HDAC4: variants seen among roughly 807,000 people sequenced by gnomAD.
HDAC4 encodes histone deacetylase 4, also known as histone deacetylase A.
A neutral mutation model predicts 135.1 loss-of-function variants in HDAC4; 16 were observed. That is an observed-to-expected ratio of 0.12 (90% CI 0.08 to 0.18). The LOEUF (loss-of-function observed/expected upper bound fraction) is 0.18, where lower values mean the gene tolerates loss of function less well. HDAC4 is among the 10% of genes least tolerant of loss of function. The probability of loss-of-function intolerance (pLI) is 1.00; values close to 1 mark genes in which losing one functional copy is unlikely to be tolerated. For synonymous variants in HDAC4, 685 were observed against 653.4 expected, an observed-to-expected ratio of 1.05 and a Z score of -0.74; for missense variants, 1,143 against 1,511.8, an observed-to-expected ratio of 0.76 and a Z score of 4.05.
intron 7 of HDAC4, among the ~76,000 whole-genome samples, chr2:239,149,073 T>C (rs978141995): frequency 6.6e-6 from 1 of 152,186 alleles, no homozygotes; most frequent in African/African-American, 2.4e-5. Flanking sequence ...TGGGGGTCTA[T>C]GTAAATGTAC....
chr2:239,142,327 C>T (rs536798164), intron 8 of HDAC4, among the ~76,000 whole-genome samples: 73 of 152,282 alleles, frequency 4.8e-4, no homozygotes, highest in African/African-American at 1.7e-3. Flanking sequence ...CGGCTCCACT[C>T]CTCCGTGTGG....
At chr2:239,192,099 A>C (rs999338087) in intron 3 of HDAC4, among the ~76,000 whole-genome samples, 4 of 152,142 alleles carry the variant, frequency 2.6e-5, no homozygotes, top group African/African-American at 9.7e-5. Flanking sequence ...ATTTGCTATT[A>C]TGTGAGAAGA....
chr2:239,338,535 A>G (rs1692094280), intron 2 of HDAC4, among the ~76,000 whole-genome samples: 1 of 152,242 alleles, frequency 6.6e-6, no homozygotes, highest in South Asian at 2.1e-4. Flanking sequence ...ATCTGAGCTC[A>G]AAGTTTATTC....
At chr2:239,199,114 ACCACCCCC>A (rs1559215749) in intron 3 of HDAC4, among the ~76,000 whole-genome samples, 1 of 2,526 alleles carries the variant, frequency 4.0e-4, no homozygotes, top group African/African-American at 1.7e-3. Context: ...CCTGCCCCCC[ACCACCCCC>A]ACCCCGATAA....
intron 25 of HDAC4, among the ~76,000 whole-genome samples, chr2:239,054,293 C>A (rs1275623053): frequency 6.6e-6 from 1 of 152,098 alleles, no homozygotes; most frequent in Non-Finnish European, 1.5e-5. Flanking sequence ...GCACCCAGGA[C>A]CTGCTGCTTG....
At position 239,115,039 on chromosome 2, in the gene HDAC4, C is replaced by T. The variant is rs763286037; in HGVS notation, c.1791+14G>A. ...GCGTGCCAGCCTTCTGGTGCCCTCC[C>T]CGCCTGCGGTCACCTGTCTGAAGAG... is the stretch of plus-strand genomic sequence containing the variant. On this transcript the variant is annotated intron_variant, in intron 13 of 26. Coordinates refer to ENST00000543185, the MANE Select transcript of HDAC4 (RefSeq NM_001378414.1). The surrounding 1 kb of genome is among the most constrained non-coding windows in gnomAD (Gnocchi z 6.3). The T allele has an allele frequency of 4.4e-6, 7 of 1,608,152 alleles. No homozygotes were observed. Among genetic ancestry groups the T allele is most frequent in the African/African-American group, 1.3e-5 (1 of 74,934 alleles).
Position 239,144,781 on chromosome 2 carries a change from G to A in HDAC4, c.734-67C>T, listed in dbSNP as rs112907592. On this transcript the variant is annotated intron_variant, in intron 7 of 26. Transcript: ENST00000543185. Reference sequence around the variant, plus strand: ...CTGGCTCAAGGTTATCCTGTTGGTGGTTTTTTAAAAATACGCACTCTGGTG... The same window carrying A: ...CTGGCTCAAGGTTATCCTGTTGGTGATTTTTTAAAAATACGCACTCTGGTG... 7.2e-5 allele frequency: 113 copies of A among 1,573,512 alleles called. No homozygotes were observed. The African/African-American group carries it at 1.3e-3, about 19-fold the overall frequency.
intron 3 of HDAC4, among the ~76,000 whole-genome samples, chr2:239,230,105 G>T (rs973665489): frequency 1.3e-5 from 2 of 152,050 alleles, no homozygotes; most frequent in African/African-American, 4.8e-5. Context: ...TCGTGAGATC[G>T]CTGTTTTGAT....
intron 2 of HDAC4, among the ~76,000 whole-genome samples, chr2:239,259,547 C>T (rs1476145875): frequency 6.6e-6 from 1 of 152,232 alleles, no homozygotes. Context: ...ATTAAATTTT[C>T]TGGGAAGCAG....
chr2:239,110,927 G>A (rs907094304), intron 14 of HDAC4, among the ~76,000 whole-genome samples: 3 of 152,150 alleles, frequency 2.0e-5, no homozygotes, highest in Non-Finnish European at 2.9e-5. Flanking sequence ...CTCCTCAGCC[G>A]TGGTGGACGC....
chr2:239,374,834 G>GCACA (rs1405807471), intron 1 of HDAC4, among the ~76,000 whole-genome samples: 2 of 152,200 alleles, frequency 1.3e-5, no homozygotes, highest in Non-Finnish European at 2.9e-5. Context: ...ACCTGGACGA[G>GCACA]AGCCAAGCTG....
chr2:239,056,599 C>T (rs921225247), intron 24 of HDAC4, among the ~76,000 whole-genome samples: 3 of 152,240 alleles, frequency 2.0e-5, no homozygotes, highest in African/African-American at 7.2e-5. Flanking sequence ...AATACACACA[C>T]AGGGGAGCAG....
intron 1 of HDAC4, among the ~76,000 whole-genome samples, chr2:239,365,616 AG>A (rs1694141627): frequency 6.6e-6 from 1 of 152,214 alleles, no homozygotes; most frequent in African/African-American, 2.4e-5. Flanking sequence ...CAGGGTCATC[AG>A]GGTCATGCAT....
At chr2:239,388,578 C>T (rs1346209599) in intron 1 of HDAC4, among the ~76,000 whole-genome samples, 4 of 152,210 alleles carry the variant, frequency 2.6e-5, no homozygotes, top group African/African-American at 4.8e-5. Flanking sequence ...GCAGCTGGAC[C>T]GCACGGCTGG....
intron 2 of HDAC4, among the ~76,000 whole-genome samples, chr2:239,272,113 T>A (rs1286116565): frequency 1.3e-5 from 2 of 152,190 alleles, no homozygotes; most frequent in African/African-American, 2.4e-5. Context: ...ATCTAGCCAT[T>A]AGACACTGCA....
At chr2:239,066,699 T>TG (rs1343434196) in intron 24 of HDAC4, 23 bp downstream of exon 24, 12 of 1,613,054 alleles carry the variant, frequency 7.4e-6, no homozygotes, top group African/African-American at 1.3e-5. Context: ...GAGCATCCTG[T>TG]GGGGTCTCTG....
chr2:239,378,019 G>A lies in HDAC4; in HGVS notation c.-220+22959C>T, dbSNP rs185431970. Among the ~76,000 whole-genome samples, 11 of 152,332 alleles carry A rather than the reference G, an allele frequency of 7.2e-5. No homozygotes were observed. In the East Asian group the frequency reaches 1.9e-3, roughly 27 times the overall value. On this transcript the variant is annotated intron_variant, in intron 1 of 26. Coordinates refer to ENST00000543185, the MANE Select transcript of HDAC4 (RefSeq NM_001378414.1). ...AAAGAATTATGGCCATTGTCCTCCA[G>A]GGGAGACGTCGCGTCCTGAGGCATC...
At chr2:239,098,080 C>T (rs1025479060) in intron 16 of HDAC4, among the ~76,000 whole-genome samples, 8 of 152,262 alleles carry the variant, frequency 5.3e-5, no homozygotes, top group Admixed American at 2.6e-4. Flanking sequence ...AACCACAAGT[C>T]ATCCGACTGT....
rs769741346 is a variant in HDAC4, at chr2:239,190,038, G to A, written c.134C>T (p.Ser45Leu). The change falls in exon 4 of 27, where the codon TCG becomes TTG. Residue 45 changes from serine to leucine, a missense_variant. By Grantham distance (145) the Ser-to-Leu change is moderately radical. Transcript: ENST00000543185. ...ATALPLQVAPSAVPMDLRLDH... is the reference protein window; with the variant it reads ...ATALPLQVAPLAVPMDLRLDH... ...CAGGCGCAGGTCCATGGGCACTGCC[G>A]AGGGGGCCACTTGCAGAGGCAGCGC... 1.0e-5 allele frequency: 16 copies of A among 1,603,350 alleles called. No individual in the cohort carries two copies. Among genetic ancestry groups the A allele is most frequent in the Admixed American group, 1.7e-5 (1 of 59,962 alleles).
Sources: gnomAD v4.1 joint callset for allele counts (sites outside exome capture counted in the v4.1 genomes callset) on GRCh38, gnomAD v4.1.1 for gene constraint, Gnocchi (gnomAD v3.1) non-coding constraint, MANE v1.5 for transcripts, NCBI Gene and HGNC (gene_info 2026-07-23, HGNC 2026-07-21) for gene names.